ITIH2: variants seen among roughly 807,000 people sequenced by gnomAD.
ITIH2 encodes the protein inter-alpha-trypsin inhibitor heavy chain 2, also known as inter-alpha-trypsin inhibitor heavy chain H2.
In ITIH2, 103 loss-of-function variants were observed where a neutral mutation model predicts 104.4. That is an observed-to-expected ratio of 0.99 (90% CI 0.84 to 1.16). The LOEUF (loss-of-function observed/expected upper bound fraction) is 1.16. Ranked by LOEUF, ITIH2 falls within the 50% of genes most tolerant of loss-of-function variation. ITIH2 has a pLI of 0.00. For synonymous variants in ITIH2, 436 were observed against 435.4 expected (o/e 1.00, Z -0.02); for missense variants, 1,108 against 1,162.4 (o/e 0.95, Z 0.68).
chr10:7,710,646 T>C (rs951987815), intron 4 of ITIH2, among the ~76,000 whole-genome samples: 3 of 152,236 alleles, frequency 2.0e-5, no homozygotes, highest in Non-Finnish European at 2.9e-5. Context: ...CCATGTACTT[T>C]GGCTGCCGAA....
At chr10:7,731,230 TA>T (rs551549555) in intron 12 of ITIH2, among the ~76,000 whole-genome samples, 1,735 of 152,242 alleles carry the variant, frequency 0.011, 20 homozygotes, top group South Asian at 0.03. Context: ...TGCTGACTTT[TA>T]TCATAAGTTT....
At chr10:7,736,870 C>T (rs1450130795) in intron 15 of ITIH2, among the ~76,000 whole-genome samples, 1 of 152,126 alleles carries the variant, frequency 6.6e-6, no homozygotes, top group Non-Finnish European at 1.5e-5. Flanking sequence ...ATAGAAATGG[C>T]AAGTGTCTGG....
intron 10 of ITIH2, 21 bp downstream of exon 10, chr10:7,727,139 C>A (rs1179020322): frequency 9.4e-6 from 15 of 1,590,316 alleles, no homozygotes; most frequent in Non-Finnish European, 1.3e-5. Context: ...TGGGCTAAAT[C>A]CCAAGGAGAC....
chr10:7,746,070 A>T (rs1309456115), intron 19 of ITIH2, among the ~76,000 whole-genome samples: 13 of 7,582 alleles, frequency 1.7e-3, no homozygotes, highest in African/African-American at 3.0e-3. Context: ...CTTAAATTTA[A>T]AAAAAAAAAA....
chr10:7,715,535 C>G (rs1238571511), intron 5 of ITIH2, among the ~76,000 whole-genome samples: 1 of 152,188 alleles, frequency 6.6e-6, no homozygotes, highest in African/African-American at 2.4e-5. Context: ...CTTCTAGGCA[C>G]TGGAGATACG....
chr10:7,724,884 G>A (rs1218207244), intron 9 of ITIH2, among the ~76,000 whole-genome samples: 3 of 152,122 alleles, frequency 2.0e-5, no homozygotes, highest in Non-Finnish European at 4.4e-5. Flanking sequence ...GCCTCTGGTT[G>A]AGAAACATTG....
At chr10:7,736,285 T>C (rs932860013) in intron 15 of ITIH2, among the ~76,000 whole-genome samples, 1 of 152,126 alleles carries the variant, frequency 6.6e-6, no homozygotes, top group Non-Finnish European at 1.5e-5. Context: ...GAGGATTGCT[T>C]GAGCCTGGAA....
At chr10:7,710,727 G>A (rs776193840) in intron 4 of ITIH2, among the ~76,000 whole-genome samples, 8 of 152,112 alleles carry the variant, frequency 5.3e-5, no homozygotes, top group Non-Finnish European at 7.4e-5. Flanking sequence ...GGTATCCTTT[G>A]AATTGGCTTT....
At chr10:7,714,418 C>T (rs950524660) in intron 5 of ITIH2, among the ~76,000 whole-genome samples, 4 of 151,962 alleles carry the variant, frequency 2.6e-5, no homozygotes, top group Non-Finnish European at 5.9e-5. Flanking sequence ...GTGATCCGCC[C>T]GCCTCGGCCT....
At chr10:7,744,472 G>T (rs939772328) in intron 18 of ITIH2, among the ~76,000 whole-genome samples, 192 bp downstream of exon 18, 1 of 152,166 alleles carries the variant, frequency 6.6e-6, no homozygotes, top group African/African-American at 2.4e-5. Context: ...GTCACCGTTG[G>T]GTCCCAGGAC....
intron 11 of ITIH2, among the ~76,000 whole-genome samples, chr10:7,729,230 T>C (rs1304475330): frequency 6.6e-6 from 1 of 152,110 alleles, no homozygotes; most frequent in African/African-American, 2.4e-5. Flanking sequence ...GGAGAATCCC[T>C]TGAACCCAGG....
At chr10:7,716,886 G>T (rs986645316) in intron 5 of ITIH2, among the ~76,000 whole-genome samples, 6 of 151,788 alleles carry the variant, frequency 4.0e-5, no homozygotes, top group Non-Finnish European at 7.4e-5. Context: ...CCAACCTTGG[G>T]TGTGAGTTCT....
In ITIH2 at chr10:7,731,918, AG is replaced by A; in HGVS notation, c.1571del (p.Gly524AlafsTer18). ...AAAACAATTTCCATAACTACTTTGGAGGCTCAGAGATTGTGGTGGCAGGAAA... is the reference window on the plus strand; with the variant it reads ...AAAACAATTTCCATAACTACTTTGGAGCTCAGAGATTGTGGTGGCAGGAAA... ...TQNNFHNYFG[G>X]SEIVVAGKFD... On this transcript the variant is annotated frameshift_variant, in exon 13 of 21. Coordinates refer to ENST00000358415, the MANE Select transcript of ITIH2 (RefSeq NM_002216.3). LOFTEE classifies it high-confidence loss of function. 6.2e-7 allele frequency: 1 copy of A among 1,614,092 alleles called. No homozygotes were observed. Among genetic ancestry groups the A allele is most frequent in the Non-Finnish European group, 8.5e-7 (1 of 1,179,962 alleles).
rs190953794 is a variant in ITIH2 at position 7,710,375 on chromosome 10, T to C, written c.362+1184T>C. 1.4e-4 allele frequency among the ~76,000 whole-genome samples: 21 copies of C among 152,370 alleles called. No individual in the cohort carries two copies. In the East Asian group the frequency reaches 4.0e-3, roughly 29 times the overall value. On this transcript the variant is annotated intron_variant, in intron 4 of 20. Coordinates refer to ENST00000358415, the MANE Select transcript of ITIH2 (RefSeq NM_002216.3). ...CAGTTATCCACTTGGAGCCTTCATG[T>C]ATCAAAGTTAAATATTCTCTGTTCC...
chr10:7,721,009 A>T (rs763212567), intron 7 of ITIH2, 46 bp downstream of exon 7: 28 of 1,172,330 alleles, frequency 2.4e-5, no homozygotes, highest in Non-Finnish European at 3.2e-5. Context: ...GGGCCTCTGG[A>T]TTGTGGGTTC....
At chr10:7,737,433 G>GCA (rs1554766646) in intron 15 of ITIH2, among the ~76,000 whole-genome samples, 178 of 124,204 alleles carry the variant, frequency 1.4e-3, no homozygotes, top group Non-Finnish European at 2.5e-3. Context: ...ATATACACGT[G>GCA]TATATATATA....
chr10:7,712,865 A>G (rs1363640939), intron 4 of ITIH2, among the ~76,000 whole-genome samples: 2 of 152,178 alleles, frequency 1.3e-5, no homozygotes, highest in Non-Finnish European at 2.9e-5. Context: ...TCACACCTGT[A>G]ATCCCAGCAC....
chr10:7,717,264 T>C (rs2130944103), intron 5 of ITIH2, among the ~76,000 whole-genome samples: 1 of 152,312 alleles, frequency 6.6e-6, no homozygotes, highest in South Asian at 2.1e-4. Flanking sequence ...AGCCTAATTT[T>C]TTTATCATCT....
At chr10:7,736,785 C>T (rs1341836121) in intron 15 of ITIH2, among the ~76,000 whole-genome samples, 2 of 152,194 alleles carry the variant, frequency 1.3e-5, no homozygotes, top group East Asian at 1.9e-4. Flanking sequence ...AGACAGGATT[C>T]GGCATCAATT....
Sources: allele counts gnomAD v4.1 joint callset (sites outside exome capture counted in the v4.1 genomes callset), GRCh38; gene constraint gnomAD v4.1.1; transcripts MANE v1.5; gene names NCBI Gene and HGNC (gene_info 2026-07-23, HGNC 2026-07-21).